USP47: variants seen among roughly 807,000 people sequenced by gnomAD.
The protein encoded by USP47 is ubiquitin carboxyl-terminal hydrolase 47.
Under a neutral mutation model 165.1 loss-of-function variants are expected in USP47, and 35 were observed. The ratio of observed to expected loss-of-function variants is 0.21; its 90% confidence interval spans 0.16 to 0.28. USP47 has a LOEUF of 0.28. Ranked by LOEUF, USP47 falls within the 10% of genes least tolerant of loss-of-function variation. The pLI is 1.00. For synonymous variants in USP47, 531 were observed against 544.5 expected, an observed-to-expected ratio of 0.98 and a Z score of 0.35; for missense variants, 1,277 against 1,607.4, an observed-to-expected ratio of 0.79 and a Z score of 3.52.
intron 1 of USP47, among the ~76,000 whole-genome samples, chr11:11,864,130 A>G (rs1849535939): frequency 1.3e-5 from 2 of 152,092 alleles, no homozygotes; most frequent in African/African-American, 2.4e-5. Context: ...GTATGTATAT[A>G]TCCACTCAAA....
chr11:11,857,259 T>G (rs1245084115), intron 1 of USP47, among the ~76,000 whole-genome samples: 1 of 152,110 alleles, frequency 6.6e-6, no homozygotes, highest in Non-Finnish European at 1.5e-5. Context: ...TCCTTTTATG[T>G]GTTTAGGTAT....
chr11:11,937,658 C>T (rs1341526297), intron 17 of USP47, among the ~76,000 whole-genome samples: 1 of 148,770 alleles, frequency 6.7e-6, no homozygotes, highest in African/African-American at 2.5e-5. Flanking sequence ...TGAAAGAGAA[C>T]TCTAAATGCA....
rs192156745 is a variant in USP47, at chr11:11,948,667, A to T, written c.3348+109A>T. 2.8e-4 allele frequency: 292 copies of T among 1,046,146 alleles called. No individual in the cohort carries two copies. The African/African-American group carries it at 4.3e-3, about 16-fold the overall frequency. 64.8% of individuals were successfully genotyped at this position (1,046,146 alleles called of 1,614,324 possible). A position where few individuals can be genotyped will look rare whatever the true frequency, so the allele number is the denominator to read the frequency against. On this transcript the variant is annotated intron_variant, in intron 22 of 27. Coordinates refer to ENST00000527733, the MANE Select transcript of USP47 (RefSeq NM_001282659.2). The stretch of plus-strand genomic sequence containing the variant: ...ATTTCTCTGAAGCAAAGGTCAGCAA[A>T]TTTTTTCTGGGCCTTGCAGTTTAGC...
chr11:11,877,781 CTCTCTCTT>C (rs1262963672), intron 1 of USP47, among the ~76,000 whole-genome samples: 2 of 131,144 alleles, frequency 1.5e-5, no homozygotes, highest in Non-Finnish European at 3.2e-5. Context: ...CTCTCTCTCT[CTCTCTCTT>C]TCTCTCTCTC....
At chr11:11,858,456 A>G (rs574964258) in intron 1 of USP47, among the ~76,000 whole-genome samples, 4 of 152,238 alleles carry the variant, frequency 2.6e-5, no homozygotes, top group African/African-American at 7.2e-5. Flanking sequence ...TGACAAACAT[A>G]CAGTTGTACA....
At chr11:11,883,618 TCTTAATGTAACAAAA>T (rs1198529055) in intron 2 of USP47, among the ~76,000 whole-genome samples, 2 of 152,232 alleles carry the variant, frequency 1.3e-5, no homozygotes, top group Admixed American at 6.5e-5. Context: ...TAAAAACATT[TCTTAATGTAACAAAA>T]CAGTTTTAAA....
intron 3 of USP47, among the ~76,000 whole-genome samples, chr11:11,891,063 G>A (rs1851482043): frequency 6.6e-6 from 1 of 152,194 alleles, no homozygotes; most frequent in Admixed American, 6.5e-5. Flanking sequence ...ATACCTAGGT[G>A]ATGGGATGAT....
intron 5 of USP47, among the ~76,000 whole-genome samples, chr11:11,901,661 C>G (rs1852234297): frequency 6.6e-6 from 1 of 151,464 alleles, no homozygotes; most frequent in South Asian, 2.1e-4. Context: ...TTTAAACATT[C>G]AAAAAAAGGG....
At chr11:11,891,846 TGA>T (rs1851535223) in intron 3 of USP47, 120 bp from the exon 4 acceptor site, 1 of 1,218,052 alleles carries the variant, frequency 8.2e-7, no homozygotes, top group Non-Finnish European at 1.1e-6. Flanking sequence ...GAAGGGGGCA[TGA>T]GCACCTTTCC....
rs201864989 is a variant in USP47 at position 11,936,470 on chromosome 11, G to A, written c.2037G>A (p.Thr679=). The A allele has an allele frequency of 8.3e-5, 132 of 1,598,534 alleles. 1 individual carries two copies. The highest frequency in any genetic ancestry group is 6.7e-4 in the Middle Eastern group (4 of 5,986). Residue 679 remains threonine, a synonymous_variant, in exon 17 of 28, where the codon ACG becomes ACA. Coordinates refer to ENST00000527733, the MANE Select transcript of USP47 (RefSeq NM_001282659.2). ...ATATGTTTGATCTGCTGTTGGAGACGAGAAAGCCTGATCAGGTTTTCCAAT... is the reference window on the plus strand; with the variant it reads ...ATATGTTTGATCTGCTGTTGGAGACAAGAAAGCCTGATCAGGTTTTCCAAT... The part of the protein sequence containing the change: ...STYMFDLLLE[T]RKPDQVFQSY...
At chr11:11,882,352 T>G (rs1448091224) in intron 2 of USP47, among the ~76,000 whole-genome samples, 1 of 152,214 alleles carries the variant, frequency 6.6e-6, no homozygotes, top group Admixed American at 6.5e-5. Flanking sequence ...TATTTTAAGT[T>G]GGTCCCACAG....
chr11:11,862,981 C>T (rs1849472530), intron 1 of USP47, among the ~76,000 whole-genome samples: 1 of 152,160 alleles, frequency 6.6e-6, no homozygotes, highest in Non-Finnish European at 1.5e-5. Flanking sequence ...ACCCCCCTCC[C>T]ACCCACTTAG....
chr11:11,866,842 T>C lies in USP47; in HGVS notation c.40-13335T>C, dbSNP rs182602794. 1.2e-4 allele frequency among the ~76,000 whole-genome samples: 18 copies of C among 152,244 alleles called. No homozygotes were observed. In the East Asian group the frequency reaches 3.5e-3, roughly 29 times the overall value. On this transcript the variant is annotated intron_variant, in intron 1 of 27. Coordinates refer to ENST00000527733, the MANE Select transcript of USP47 (RefSeq NM_001282659.2). ...ACAAATTAGGCATTAGTCTAGTTGT[T>C]TCTTTTAAGGTAATCTGTTGTTCTC...
intron 8 of USP47, among the ~76,000 whole-genome samples, chr11:11,913,416 A>G (rs567355813): frequency 1.4e-3 from 218 of 152,030 alleles, no homozygotes; most frequent in Non-Finnish European, 2.5e-3. Flanking sequence ...ATTTTGCAAA[A>G]AGAAAAAAGA....
intron 8 of USP47, 56 bp downstream of exon 8, chr11:11,905,604 C>T: frequency 2.0e-6 from 3 of 1,489,022 alleles, no homozygotes; most frequent in Non-Finnish European, 2.7e-6. Flanking sequence ...CATAATAGCA[C>T]AGTGGTATAA....
At chr11:11,913,692 T>C (rs1224211930) in intron 8 of USP47, among the ~76,000 whole-genome samples, 1 of 152,050 alleles carries the variant, frequency 6.6e-6, no homozygotes, top group African/African-American at 2.4e-5. Context: ...CAGTAAGTTC[T>C]AGTGTTTGAG....
chr11:11,844,681 T>C (rs551303775), intron 1 of USP47, among the ~76,000 whole-genome samples: 3 of 152,260 alleles, frequency 2.0e-5, no homozygotes, highest in Non-Finnish European at 4.4e-5. Context: ...AATTAAAAAA[T>C]TTCATGCATT....
In USP47 at chr11:11,864,360, T is replaced by A. The variant is rs144424381; in HGVS notation, c.40-15817T>A. Among the ~76,000 whole-genome samples the A allele has an allele frequency of 9.0e-3, 1,377 of 152,264 alleles. 27 individuals carry two copies. The highest frequency in any genetic ancestry group is 0.032 in the African/African-American group (1,317 of 41,576). On this transcript the variant is annotated intron_variant, in intron 1 of 27. Coordinates refer to ENST00000527733, the MANE Select transcript of USP47 (RefSeq NM_001282659.2). ...GCTATTTATAAAAAATTTATTTTTTTAAATTGTAAAATACACATAACATAA... is the reference window on the plus strand; with the variant it reads ...GCTATTTATAAAAAATTTATTTTTTAAAATTGTAAAATACACATAACATAA...
Position 11,942,909 on chromosome 11 carries a change from A to T in USP47, c.2888A>T (p.Asn963Ile), listed in dbSNP as rs537166126. ...NADNAQIPLA[N>I]GLDSHSITSS... ...GACAATGCTCAGATCCCTTTGGCTA[A>T]TGGACTTGACTCTCACAGTATCACA... Residue 963 changes from asparagine (N) to isoleucine (I), a missense_variant, in exon 20 of 28, where the codon AAT (asparagine) becomes ATT (isoleucine). Transcript: ENST00000527733. 31 of 1,613,686 alleles carry T rather than the reference A, an allele frequency of 1.9e-5. No individual in the cohort carries two copies. In the South Asian group the frequency reaches 3.1e-4, roughly 16 times the overall value.
Sources: allele counts gnomAD v4.1 joint callset (sites outside exome capture counted in the v4.1 genomes callset), GRCh38; gene constraint gnomAD v4.1.1; transcripts MANE v1.5; gene names NCBI Gene and HGNC (gene_info 2026-07-23, HGNC 2026-07-21).